Variants in RNF185 observed in about 807,000 individuals in gnomAD.
RNF185 encodes the protein ring finger protein 185, also known as E3 ubiquitin-protein ligase RNF185.
In RNF185, 13 loss-of-function variants were observed where a neutral mutation model predicts 24.9. That is an observed-to-expected ratio of 0.52 (90% CI 0.34 to 0.83). RNF185 has a LOEUF of 0.83. RNF185 is among the 40% of genes least tolerant of loss of function. The pLI is 0.01. For missense variants in RNF185, 184 were observed against 244.7 expected (o/e 0.75, Z 1.65); for synonymous variants, 79 against 90.3 (o/e 0.88, Z 0.71).
intron 5 of RNF185, among the ~76,000 whole-genome samples, chr22:31,198,968 C>T (rs1158302194): frequency 6.6e-6 from 1 of 150,908 alleles, no homozygotes; most frequent in Non-Finnish European, 1.5e-5. Flanking sequence ...GGTGTGGTGG[C>T]ATGTGCCTGT....
intron 1 of RNF185, among the ~76,000 whole-genome samples, chr22:31,161,002 A>G (rs59671056): frequency 0.079 from 12,041 of 152,272 alleles, 551 homozygotes; most frequent in Admixed American, 0.16. Context: ...AGCTGGTGCC[A>G]GTTCAGGAAC....
intron 3 of RNF185, among the ~76,000 whole-genome samples, chr22:31,193,666 C>T (rs1334326392): frequency 2.0e-5 from 3 of 151,512 alleles, no homozygotes; most frequent in Non-Finnish European, 1.5e-5. Flanking sequence ...TGGTGGTGCA[C>T]GCCTATAGTC....
At chr22:31,162,835 GCTCA>G (rs1923664414) in intron 1 of RNF185, among the ~76,000 whole-genome samples, 1 of 150,684 alleles carries the variant, frequency 6.6e-6, no homozygotes, top group Non-Finnish European at 1.5e-5. Flanking sequence ...CTCCATCTCA[GCTCA>G]CTGCAAGCTC....
intron 1 of RNF185, among the ~76,000 whole-genome samples, chr22:31,165,705 C>T (rs1452359480): frequency 2.0e-5 from 3 of 152,196 alleles, no homozygotes; most frequent in Non-Finnish European, 2.9e-5. Context: ...AGGAAGGGTA[C>T]TATTTGCGTC....
chr22:31,194,643 G>T (rs945095554), intron 3 of RNF185, among the ~76,000 whole-genome samples: 6 of 152,080 alleles, frequency 3.9e-5, no homozygotes, highest in Non-Finnish European at 7.3e-5. Context: ...CAGGAGAATT[G>T]CTTGAACCCA....
chr22:31,173,120 C>G (rs1293037071), intron 1 of RNF185, among the ~76,000 whole-genome samples: 1 of 152,052 alleles, frequency 6.6e-6, no homozygotes, highest in African/African-American at 2.4e-5. Flanking sequence ...GGTAATAGTT[C>G]AGTGGATAAC....
At chr22:31,168,208 T>C (rs1924052905) in intron 1 of RNF185, among the ~76,000 whole-genome samples, 1 of 152,228 alleles carries the variant, frequency 6.6e-6, no homozygotes, top group South Asian at 2.1e-4. Flanking sequence ...TTTTTATTTT[T>C]GAAGATGAGG....
At chr22:31,164,725 T>A (rs1923805829) in intron 1 of RNF185, among the ~76,000 whole-genome samples, 1 of 151,598 alleles carries the variant, frequency 6.6e-6, no homozygotes, top group Non-Finnish European at 1.5e-5. Context: ...TAGCTGCAAT[T>A]ACAGGCGTGT....
chr22:31,203,790 C>CT (rs1465450228), intron 6 of RNF185, among the ~76,000 whole-genome samples: 1 of 152,000 alleles, frequency 6.6e-6, no homozygotes, highest in African/African-American at 2.4e-5. Flanking sequence ...AATGCCAACG[C>CT]TTTGGGAGGC....
chr22:31,197,583 TCTCA>T (rs771487572), intron 5 of RNF185, among the ~76,000 whole-genome samples: 56 of 152,228 alleles, frequency 3.7e-4, no homozygotes, highest in Non-Finnish European at 6.5e-4. Context: ...TAAGACAGGG[TCTCA>T]CTCTGTAGCC....
At chr22:31,166,585 C>CG (rs1923936809) in intron 1 of RNF185, among the ~76,000 whole-genome samples, 3 of 99,380 alleles carry the variant, frequency 3.0e-5, no homozygotes, top group African/African-American at 4.3e-5. Context: ...TCTTCTTCCC[C>CG]TTCCCCTTCC....
intron 2 of RNF185, among the ~76,000 whole-genome samples, chr22:31,191,758 G>A (rs1174971916): frequency 6.6e-6 from 1 of 151,194 alleles, no homozygotes; most frequent in East Asian, 2.0e-4. Flanking sequence ...CTTGAACCTG[G>A]GAGGTGGAGG....
At chr22:31,163,645 T>TTA (rs1923718378) in intron 1 of RNF185, among the ~76,000 whole-genome samples, 1 of 144,310 alleles carries the variant, frequency 6.9e-6, no homozygotes, top group East Asian at 2.2e-4. Flanking sequence ...GTTTTTTAAC[T>TTA]TTTTATTTTA....
intron 1 of RNF185, among the ~76,000 whole-genome samples, chr22:31,184,206 G>A (rs1411126894): frequency 6.6e-6 from 1 of 151,204 alleles, no homozygotes; most frequent in African/African-American, 2.4e-5. Flanking sequence ...CAGACAGGGT[G>A]GCAGGTCAGA....
Position 31,187,154 on chromosome 22 carries a change from C to A in RNF185, c.60C>A (p.Pro20=). Residue 20 remains proline (P), a synonymous_variant, in exon 2 of 7, where the codon CCC becomes CCA. Coordinates refer to ENST00000326132, the MANE Select transcript of RNF185 (RefSeq NM_152267.4). ...CTGAGAACTCCAGTGCAGGGGGGCCCAGTGGGAGCAGCAATGGCGCTGGCG... is the reference window on the plus strand; with the variant it reads ...CTGAGAACTCCAGTGCAGGGGGGCCAAGTGGGAGCAGCAATGGCGCTGGCG... ...ASPENSSAGG[P]SGSSNGAGES... is the part of the protein sequence containing the mutation. The A allele has an allele frequency of 1.2e-6, 2 of 1,613,700 alleles. No individual in the cohort carries two copies. Among genetic ancestry groups the A allele is most frequent in the Non-Finnish European group, 1.7e-6 (2 of 1,179,776 alleles).
intron 1 of RNF185, among the ~76,000 whole-genome samples, chr22:31,186,763 A>G (rs2048102903): frequency 6.6e-6 from 1 of 152,182 alleles, no homozygotes; most frequent in Non-Finnish European, 1.5e-5. Flanking sequence ...AAGACAAGTG[A>G]GACAAGGTCC....
intron 3 of RNF185, 129 bp from the exon 4 acceptor site, chr22:31,195,340 T>G (rs2048195200): frequency 4.0e-4 from 229 of 576,946 alleles, no homozygotes; most frequent in Middle Eastern, 9.3e-4. Flanking sequence ...TCAGGTTCCT[T>G]GAGATGTTCC....
chr22:31,165,966 A>G (rs1161567496), intron 1 of RNF185, among the ~76,000 whole-genome samples: 2 of 152,156 alleles, frequency 1.3e-5, no homozygotes, highest in Non-Finnish European at 2.9e-5. Flanking sequence ...AGTAATGTAA[A>G]TTGTGAAAGT....
chr22:31,198,553 C>T (rs957673740), intron 5 of RNF185, among the ~76,000 whole-genome samples: 9 of 151,538 alleles, frequency 5.9e-5, no homozygotes, highest in Non-Finnish European at 1.0e-4. Flanking sequence ...CATGGGCCAC[C>T]ATGCCCAGCT....
Sources: allele counts gnomAD v4.1 joint callset (sites outside exome capture counted in the v4.1 genomes callset), GRCh38; gene constraint gnomAD v4.1.1; transcripts MANE v1.5; gene names NCBI Gene and HGNC (gene_info 2026-07-23, HGNC 2026-07-21).